Variants in CYFIP2 observed in about 807,000 individuals in gnomAD.
The protein encoded by CYFIP2 is cytoplasmic FMR1 interacting protein 2.
In CYFIP2, 29 loss-of-function variants were observed where a neutral mutation model predicts 158.7. The observed-to-expected ratio is 0.18, with a 90% CI of 0.14 to 0.25. CYFIP2 has a LOEUF of 0.25. CYFIP2 is among the 10% of genes least tolerant of loss of function. The probability of loss-of-function intolerance (pLI) is 1.00; values close to 1 mark genes in which losing one functional copy is unlikely to be tolerated. For missense variants in CYFIP2, 852 were observed against 1,639.5 expected (o/e 0.52, Z 8.29); for synonymous variants, 585 against 617.6 (o/e 0.95, Z 0.78).
intron 26 of CYFIP2, among the ~76,000 whole-genome samples, chr5:157,362,176 A>T (rs538888557): frequency 2.6e-5 from 4 of 152,322 alleles, no homozygotes; most frequent in Admixed American, 2.6e-4. Flanking sequence ...TTGTTTTAAA[A>T]TTTAGGGTCA....
chr5:157,335,948 G>A (rs1581087317), intron 21 of CYFIP2, among the ~76,000 whole-genome samples: 1 of 152,132 alleles, frequency 6.6e-6, no homozygotes, highest in African/African-American at 2.4e-5. Flanking sequence ...TTTTAGCTGG[G>A]AACAAAATCA....
intron 23 of CYFIP2, chr5:157,343,044 C>T (rs1762399393): frequency 1.2e-6 from 2 of 1,614,184 alleles, no homozygotes; most frequent in Non-Finnish European, 1.7e-6. Context: ...AGATCCGGGG[C>T]CTCCTCTGGC....
intron 1 of CYFIP2, among the ~76,000 whole-genome samples, chr5:157,268,420 AC>A (rs1755796499): frequency 2.0e-5 from 3 of 152,192 alleles, no homozygotes; most frequent in Non-Finnish European, 4.4e-5. Flanking sequence ...CCCTGGTAGA[AC>A]ACTACATGAC....
chr5:157,308,436 C>T (rs1201071881), intron 9 of CYFIP2, among the ~76,000 whole-genome samples: 2 of 152,172 alleles, frequency 1.3e-5, no homozygotes, highest in Non-Finnish European at 2.9e-5. Context: ...CTTTTGGCCA[C>T]AGATCTTTAA....
intron 3 of CYFIP2, among the ~76,000 whole-genome samples, chr5:157,289,705 C>T (rs1055538273): frequency 5.9e-5 from 9 of 152,292 alleles, no homozygotes; most frequent in Admixed American, 4.6e-4. Flanking sequence ...TTAAAGGCCC[C>T]GTCTCCAAAT....
At chr5:157,287,174 T>C (rs1757457656) in intron 3 of CYFIP2, 66 bp downstream of exon 3, 2 of 1,310,094 alleles carry the variant, frequency 1.5e-6, no homozygotes, top group African/African-American at 2.9e-5. Flanking sequence ...CGCGGGCAGC[T>C]TCTCACACCA....
intron 16 of CYFIP2, 81 bp downstream of exon 16, chr5:157,324,155 A>G (rs1187045429): frequency 1.4e-6 from 2 of 1,479,682 alleles, no homozygotes; most frequent in African/African-American, 1.4e-5. Flanking sequence ...CAAGCCAGGC[A>G]TTGCAAAGGG....
At chr5:157,303,120 G>A (rs1346580027) in intron 7 of CYFIP2, 1 of 464,974 alleles carries the variant, frequency 2.2e-6, no homozygotes, top group Non-Finnish European at 3.9e-6. Flanking sequence ...CTCAGCCAGT[G>A]CTCTGACCCT....
chr5:157,381,634 TC>T (rs1766104310), intron 26 of CYFIP2, among the ~76,000 whole-genome samples: 1 of 152,142 alleles, frequency 6.6e-6, no homozygotes, highest in African/African-American at 2.4e-5. Flanking sequence ...AGAGTGTTCT[TC>T]CTCTGGTAGC....
chr5:157,301,433 CCAGTG>C (rs1484633139), intron 6 of CYFIP2, among the ~76,000 whole-genome samples: 1 of 152,152 alleles, frequency 6.6e-6, no homozygotes, highest in African/African-American at 2.4e-5. Context: ...TTTCCTCAGG[CCAGTG>C]CAGCAATCCC....
At chr5:157,300,954 C>A (rs1211783065) in intron 6 of CYFIP2, 58 bp downstream of exon 6, 2 of 1,431,088 alleles carry the variant, frequency 1.4e-6, no homozygotes, top group African/African-American at 2.9e-5. Flanking sequence ...CCAGGGCTGC[C>A]TGTCAAGTGG....
At chr5:157,308,321 A>C (rs985026991) in intron 9 of CYFIP2, among the ~76,000 whole-genome samples, 1 of 152,146 alleles carries the variant, frequency 6.6e-6, no homozygotes, top group Non-Finnish European at 1.5e-5. Flanking sequence ...ACAGCCTCTC[A>C]CCTGGTACAC....
At chr5:157,331,674 G>A (rs1490896215) in intron 20 of CYFIP2, among the ~76,000 whole-genome samples, 1 of 152,110 alleles carries the variant, frequency 6.6e-6, no homozygotes, top group African/African-American at 2.4e-5. Flanking sequence ...GGCTCAATGA[G>A]AGCTTTTCTT....
intron 1 of CYFIP2, among the ~76,000 whole-genome samples, chr5:157,271,151 G>C (rs1373265599): frequency 6.6e-6 from 1 of 152,176 alleles, no homozygotes; most frequent in African/African-American, 2.4e-5. Flanking sequence ...TTTGAGAAGG[G>C]AAGAAGACAG....
chr5:157,342,618 C>G (rs1004940514), intron 23 of CYFIP2: 4 of 445,898 alleles, frequency 9.0e-6, no homozygotes, highest in African/African-American at 3.9e-5. Context: ...GCTTTCAATT[C>G]TTAACTGTGT....
At chr5:157,370,483 CT>C (rs1396919903) in intron 26 of CYFIP2, among the ~76,000 whole-genome samples, 7 of 152,220 alleles carry the variant, frequency 4.6e-5, no homozygotes. Context: ...ATAATTCCAG[CT>C]GCTGCCTGCC....
intron 10 of CYFIP2, chr5:157,310,914 G>T (rs1476625768): frequency 4.5e-6 from 2 of 445,552 alleles, no homozygotes; most frequent in Admixed American, 4.8e-5. Flanking sequence ...CAGCACCTGA[G>T]GGTAGAAGAG....
chr5:157,274,650 C>A (rs960523408), intron 1 of CYFIP2, among the ~76,000 whole-genome samples: 1 of 152,146 alleles, frequency 6.6e-6, no homozygotes, highest in Non-Finnish European at 1.5e-5. Flanking sequence ...AAATACCAAT[C>A]GATTTTCCAA....
intron 13 of CYFIP2, among the ~76,000 whole-genome samples, chr5:157,318,098 T>C (rs1760297718): frequency 6.6e-6 from 1 of 152,254 alleles, no homozygotes; most frequent in African/African-American, 2.4e-5. Flanking sequence ...ATTGTGAGAA[T>C]TCATTCCATA....
Sources: gnomAD v4.1 joint callset for allele counts (sites outside exome capture counted in the v4.1 genomes callset) on GRCh38, gnomAD v4.1.1 for gene constraint, MANE v1.5 for transcripts, NCBI Gene and HGNC (gene_info 2026-07-23, HGNC 2026-07-21) for gene names.